The following PSMB2 variants were observed in gnomAD, a reference collection of about 807,000 sequenced individuals.
PSMB2 encodes proteasome subunit beta type-2.
A neutral mutation model predicts 25.7 loss-of-function variants in PSMB2; 13 were observed. The ratio of observed to expected loss-of-function variants is 0.51; its 90% CI spans 0.33 to 0.80. PSMB2 has a LOEUF of 0.80. Among genes scored for constraint, PSMB2 ranks in the 30% least tolerant of loss-of-function variants. The pLI is 0.02. For missense variants in PSMB2, 202 were observed against 259.0 expected, an observed-to-expected ratio of 0.78 and a Z score of 1.51; for synonymous variants, 87 against 96.2, an observed-to-expected ratio of 0.90 and a Z score of 0.56.
chr1:35,616,156 C>A (rs1650486597), intron 3 of PSMB2, among the ~76,000 whole-genome samples: 1 of 152,190 alleles, frequency 6.6e-6, no homozygotes, highest in Non-Finnish European at 1.5e-5. Context: ...CTAAACCACA[C>A]AGGTAATTAG....
intron 3 of PSMB2, among the ~76,000 whole-genome samples, chr1:35,630,319 T>C (rs10908402): frequency 0.11 from 17,495 of 152,252 alleles, 2,575 homozygotes; most frequent in East Asian, 0.69. Flanking sequence ...TCTTACTATA[T>C]GATCCAGCAA....
intron 3 of PSMB2, among the ~76,000 whole-genome samples, chr1:35,624,042 A>G (rs1048450348): frequency 2.0e-5 from 3 of 152,210 alleles, no homozygotes; most frequent in African/African-American, 7.2e-5. Context: ...AGCATGCTAT[A>G]CATGCCTACT....
chr1:35,630,988 G>A (rs1333537597), intron 3 of PSMB2, among the ~76,000 whole-genome samples: 2 of 151,836 alleles, frequency 1.3e-5, no homozygotes, highest in African/African-American at 4.9e-5. Context: ...ACCTAACACT[G>A]CTCTAAAAAA....
At chr1:35,633,668 T>C (rs1651164210) in intron 2 of PSMB2, among the ~76,000 whole-genome samples, 1 of 152,166 alleles carries the variant, frequency 6.6e-6, no homozygotes, top group Non-Finnish European at 1.5e-5. Context: ...GTGGAACCAC[T>C]GGAAAAAAAA....
At chr1:35,610,509 T>G (rs2148564302) in intron 3 of PSMB2, among the ~76,000 whole-genome samples, 1 of 152,270 alleles carries the variant, frequency 6.6e-6, no homozygotes, top group Non-Finnish European at 1.5e-5. Context: ...TTTTTTGTTT[T>G]TTTGAGACGG....
At chr1:35,609,439 C>A in intron 3 of PSMB2, 31 bp from the exon 4 acceptor site, 2 of 1,437,552 alleles carry the variant, frequency 1.4e-6, no homozygotes, top group Non-Finnish European at 1.9e-6. Flanking sequence ...AAAGTGATAA[C>A]TAAAGCAGAA....
intron 3 of PSMB2, among the ~76,000 whole-genome samples, chr1:35,620,685 G>A (rs1490697551): frequency 3.4e-5 from 5 of 147,162 alleles, no homozygotes; most frequent in Non-Finnish European, 6.0e-5. Context: ...CCAAGACTGC[G>A]CCACTGCACT....
At chr1:35,618,501 T>C (rs753543242) in intron 3 of PSMB2, among the ~76,000 whole-genome samples, 3 of 151,722 alleles carry the variant, frequency 2.0e-5, no homozygotes, top group Non-Finnish European at 2.9e-5. Context: ...TATACCTAAG[T>C]TGCCATAAGA....
At chr1:35,639,276 T>C (rs1651330165) in intron 1 of PSMB2, among the ~76,000 whole-genome samples, 1 of 151,912 alleles carries the variant, frequency 6.6e-6, no homozygotes, top group Admixed American at 6.6e-5. Context: ...ATAAAATAAA[T>C]AAAAAAGTCA....
intron 3 of PSMB2, among the ~76,000 whole-genome samples, chr1:35,628,596 A>AAAAATATATATATAT (rs59538661): frequency 4.8e-4 from 12 of 25,098 alleles, no homozygotes; most frequent in Admixed American, 8.2e-4. Context: ...AAAAAAAAAA[A>AAAAATATATATATAT]ATATATATAT....
rs1028216831 is a variant in PSMB2 at position 35,600,342 on chromosome 1, G to C, written c.*2925C>G. On this transcript the variant is annotated 3_prime_UTR_variant, in exon 6 of 6. Transcript: ENST00000373237. Reference sequence around the variant, plus strand: ...ACTGGTAAAATCTGAATAAAGCCTGGAGCTTAGTAATACTAATACACCAAC... The same window carrying C: ...ACTGGTAAAATCTGAATAAAGCCTGCAGCTTAGTAATACTAATACACCAAC... 1.1e-6 allele frequency: 1 copy of C among 887,586 alleles called. No individual in the cohort carries two copies. Among genetic ancestry groups the C allele is most frequent in the Non-Finnish European group, 1.3e-6 (1 of 741,212 alleles). The allele number at this position is 887,586 out of a possible 1,614,324, so 55.0% of individuals were successfully genotyped here.
intron 5 of PSMB2, among the ~76,000 whole-genome samples, chr1:35,603,833 A>G (rs1571119069): frequency 6.6e-6 from 1 of 152,266 alleles, no homozygotes; most frequent in East Asian, 1.9e-4. Context: ...TGAGCCCAGG[A>G]GTTCAAGACC....
intron 3 of PSMB2, among the ~76,000 whole-genome samples, chr1:35,616,137 T>C (rs1650485705): frequency 6.6e-6 from 1 of 152,168 alleles, no homozygotes. Context: ...GAGGAAACAG[T>C]AACTTGCCCT....
chr1:35,624,308 C>T (rs1252799516), intron 3 of PSMB2, among the ~76,000 whole-genome samples: 1 of 152,210 alleles, frequency 6.6e-6, no homozygotes, highest in Non-Finnish European at 1.5e-5. Flanking sequence ...TTTCAACTAA[C>T]TCACAGCAGA....
At chr1:35,605,622 T>A (rs942281115) in intron 4 of PSMB2, among the ~76,000 whole-genome samples, 1 of 152,232 alleles carries the variant, frequency 6.6e-6, no homozygotes, top group Non-Finnish European at 1.5e-5. Context: ...TCACTCCCCC[T>A]TAGTCCAGGG....
chr1:35,623,668 GA>G (rs1650763831), intron 3 of PSMB2, among the ~76,000 whole-genome samples: 1 of 152,160 alleles, frequency 6.6e-6, no homozygotes, highest in Admixed American at 6.5e-5. Flanking sequence ...TGGAGCAGGT[GA>G]GCTGAAGGCA....
At chr1:35,605,179 A>G (rs1405401413) in intron 5 of PSMB2, 54 bp downstream of exon 5, 1 of 1,533,114 alleles carries the variant, frequency 6.5e-7, no homozygotes, top group East Asian at 2.3e-5. Context: ...CAGGAACAAC[A>G]CTGGCAAACA....
chr1:35,614,605 T>C (rs1022404761), intron 3 of PSMB2, among the ~76,000 whole-genome samples: 5 of 152,320 alleles, frequency 3.3e-5, no homozygotes, highest in Non-Finnish European at 7.3e-5. Context: ...CTGAACATTA[T>C]ATATAGTATT....
intron 3 of PSMB2, among the ~76,000 whole-genome samples, chr1:35,613,699 G>C (rs943911353): frequency 2.0e-5 from 3 of 152,158 alleles, no homozygotes; most frequent in Non-Finnish European, 2.9e-5. Context: ...GTAAAGAAAA[G>C]CTTAGGATAC....
Sources: allele counts gnomAD v4.1 joint callset (sites outside exome capture counted in the v4.1 genomes callset), GRCh38; gene constraint gnomAD v4.1.1; transcripts MANE v1.5; gene names NCBI Gene and HGNC (gene_info 2026-07-23, HGNC 2026-07-21).